YIPF5: variants seen among roughly 807,000 people sequenced by gnomAD.
YIPF5 encodes the protein protein YIPF5.
In YIPF5, 8 loss-of-function variants were observed where a neutral mutation model predicts 30.4. The ratio of observed to expected loss-of-function variants is 0.26; its 90% CI spans 0.15 to 0.47. The LOEUF (loss-of-function observed/expected upper bound fraction) is 0.47, where lower values mean the gene tolerates loss of function less well. Among genes scored for constraint, YIPF5 ranks in the 20% least tolerant of loss-of-function variants. YIPF5 has a pLI of 0.99. For missense variants in YIPF5, 282 were observed against 301.8 expected, an observed-to-expected ratio of 0.93 and a Z score of 0.49; for synonymous variants, 104 against 107.9, an observed-to-expected ratio of 0.96 and a Z score of 0.23.
rs1330370099 is a variant in YIPF5 at position 144,159,109 on chromosome 5, ATAATG to A, written c.*1283_*1287del. On this transcript the variant is annotated 3_prime_UTR_variant, in exon 6 of 6. Coordinates refer to ENST00000274496, the MANE Select transcript of YIPF5 (RefSeq NM_030799.9). ...AATCAAATAAATTTAATACAATAAAATAATGTAACTCAAACTGCTCATTTAATCCC... is the reference window on the plus strand; with the variant it reads ...AATCAAATAAATTTAATACAATAAAATAACTCAAACTGCTCATTTAATCCC... 1 of 981,526 alleles carries A rather than the reference ATAATG, an allele frequency of 1.0e-6. No homozygotes were observed. Among genetic ancestry groups the A allele is most frequent in the Admixed American group, 6.1e-5 (1 of 16,266 alleles). The allele number at this position is 981,526 out of a possible 1,614,324, so 60.8% of individuals were successfully genotyped here. A position where few individuals can be genotyped will look rare whatever the true frequency, so the allele number is the denominator to read the frequency against.
Position 144,158,600 on chromosome 5 carries a change from T to C in YIPF5, c.*1797A>G. On this transcript the variant is annotated 3_prime_UTR_variant, in exon 6 of 6. Transcript: ENST00000274496. Reference sequence around the variant, plus strand: ...ACATTTGCCTTAACAAAAACTATACTGAAAAAGACAAATGAATTGAAAAAG... The same window carrying C: ...ACATTTGCCTTAACAAAAACTATACCGAAAAAGACAAATGAATTGAAAAAG... The C allele has an allele frequency of 9.3e-7, 1 of 1,080,562 alleles. No individual in the cohort carries two copies. The highest frequency in any genetic ancestry group is 1.1e-6 in the Non-Finnish European group (1 of 888,374). 66.9% of individuals were successfully genotyped at this position (1,080,562 alleles called of 1,614,324 possible). A position where few individuals can be genotyped will look rare whatever the true frequency, so the allele number is the denominator to read the frequency against.
intron 5 of YIPF5, among the ~76,000 whole-genome samples, chr5:144,161,811 T>G (rs1372024346): frequency 6.6e-6 from 1 of 152,218 alleles, no homozygotes; most frequent in Admixed American, 6.5e-5. Flanking sequence ...ATAGAGAGTA[T>G]GTATTTATTA....
chr5:144,162,417 T>G lies in YIPF5; in HGVS notation c.430-18A>C. On this transcript the variant is annotated intron_variant, in intron 4 of 5. Transcript: ENST00000274496. The stretch of plus-strand genomic sequence containing the variant: ...TTGCCAGCCTATGGGTAAAGAAGAT[T>G]ACAGGTTAAAGGGCAAAAAATAAGT... 6.2e-7 allele frequency: 1 copy of G among 1,602,490 alleles called. No homozygotes were observed. The highest frequency in any genetic ancestry group is 8.5e-7 in the Non-Finnish European group (1 of 1,173,942).
At position 144,160,555 on chromosome 5, in the gene YIPF5, T is replaced by G. The variant is rs1195064371; in HGVS notation, c.616A>C (p.Met206Leu). The stretch of plus-strand genomic sequence containing the variant: ...CCAGCAGTGAGAATGATTCCTACCA[T>G]TCCTCTGTAAACAACAAGGAAAAAG... ...SFAVIFSLQGMVGIILTAGII... is the reference protein window; with the variant it reads ...SFAVIFSLQGLVGIILTAGII... Residue 206 changes from methionine to leucine, a missense_variant, in exon 6 of 6, where the codon ATG becomes CTG. Met to Leu is a conservative substitution (Grantham distance 15, BLOSUM62 2). Transcript: ENST00000274496. 6.2e-7 allele frequency: 1 copy of G among 1,611,746 alleles called. No individual in the cohort carries two copies. Among genetic ancestry groups the G allele is most frequent in the East Asian group, 2.2e-5 (1 of 44,824 alleles).
At position 144,169,334 on chromosome 5, in the gene YIPF5, GAGA is replaced by G. The variant is rs768905521; in HGVS notation, c.110+509_110+511del. ...CGTGTGGCACTGACCATAAGGGTTT[GAGA>G]AGGAGGAGTAATAAAAATGATTATC... On this transcript the variant is annotated intron_variant, in intron 2 of 5. Coordinates refer to ENST00000274496, the MANE Select transcript of YIPF5 (RefSeq NM_030799.9). Among the ~76,000 whole-genome samples, 5 of 152,210 alleles carry G rather than the reference GAGA, an allele frequency of 3.3e-5. No homozygotes were observed. In the East Asian group the frequency reaches 5.8e-4, roughly 18 times the overall value.
intron 1 of YIPF5, 138 bp from the exon 2 acceptor site, chr5:144,170,103 C>A (rs1263345266): frequency 7.5e-6 from 5 of 665,676 alleles, no homozygotes; most frequent in Non-Finnish European, 1.3e-5. Context: ...GCGGAAAGTA[C>A]GCAGCATTTG....
Position 144,160,438 on chromosome 5 carries a change from C to T in YIPF5, c.733G>A (p.Ala245Thr), listed in dbSNP as rs902298729. The T allele has an allele frequency of 1.1e-5, 17 of 1,613,938 alleles. No individual in the cohort carries two copies. Among genetic ancestry groups the T allele is most frequent in the East Asian group, 2.2e-5 (1 of 44,870 alleles). The change falls in exon 6 of 6, where the codon GCT becomes ACT. Residue 245 changes from alanine (A) to threonine (T), a missense_variant. Ala to Thr is a moderately conservative substitution (Grantham distance 58). Transcript: ENST00000274496. ...AGGGCAAAGACTCCATATAACAAAGCGCAAGGATATGCTACTAAAAGTTGC... is the reference window on the plus strand; with the variant it reads ...AGGGCAAAGACTCCATATAACAAAGTGCAAGGATATGCTACTAAAAGTTGC... ...GQQLLVAYPC[A>T]LLYGVFALIS...
chr5:144,162,173 C>A (rs756310342), intron 5 of YIPF5, 45 bp downstream of exon 5: 1 of 1,579,218 alleles, frequency 6.3e-7, no homozygotes, highest in Non-Finnish European at 8.6e-7. Flanking sequence ...AATCCTACTA[C>A]ATAGAATTGG....
chr5:144,162,192 C>T (rs780715694), intron 5 of YIPF5, 26 bp downstream of exon 5: 1 of 1,603,796 alleles, frequency 6.2e-7, no homozygotes, highest in Non-Finnish European at 8.5e-7. Context: ...GGTCAATCAA[C>T]CCCCAAAATA....
At position 144,162,355 on chromosome 5, in the gene YIPF5, A is replaced by T; in HGVS notation, c.474T>A (p.Ile158=). ...ATAAACAAAACATTCCTAGACATCC[A>T]ATTGCACTGATCCCGTATACATAGC... ...QFGYVYGISA[I]GCLGMFCLLN... The change falls in exon 5 of 6, where the codon ATT becomes ATA. Residue 158 remains isoleucine (I), a synonymous_variant. Coordinates refer to ENST00000274496, the MANE Select transcript of YIPF5 (RefSeq NM_030799.9). The T allele has an allele frequency of 6.2e-7, 1 of 1,614,042 alleles. No individual in the cohort carries two copies. Among genetic ancestry groups the T allele is most frequent in the Non-Finnish European group, 8.5e-7 (1 of 1,179,942 alleles).
Position 144,170,111 on chromosome 5 carries a change from T to G in YIPF5, c.-10-146A>C. The stretch of plus-strand genomic sequence containing the variant: ...GATGGGGGCGGAAAGTACGCAGCAT[T>G]TGAACGACGGTAGCGGAGAGAGAGT... On this transcript the variant is annotated intron_variant, in intron 1 of 5. Coordinates refer to ENST00000274496, the MANE Select transcript of YIPF5 (RefSeq NM_030799.9). The G allele has an allele frequency of 4.6e-6, 3 of 651,238 alleles. No individual in the cohort carries two copies. The South Asian group carries it at 5.5e-5, about 12-fold the overall frequency. 40.3% of individuals were successfully genotyped at this position (651,238 alleles called of 1,614,324 possible).
At position 144,164,271 on chromosome 5, in the gene YIPF5, A is replaced by T. The variant is rs1488582155; in HGVS notation, c.284-15T>A. On this transcript the variant is annotated splice_polypyrimidine_tract_variant and intron_variant, in intron 3 of 5. Transcript: ENST00000274496. ...GATACCTAACTCTAAAGAGAAAGAA[A>T]ATTTAAAAGTTAATTAGGATTTGTG... 3.8e-6 allele frequency: 6 copies of T among 1,592,514 alleles called. No homozygotes were observed. Among genetic ancestry groups the T allele is most frequent in the Non-Finnish European group, 5.1e-6 (6 of 1,169,196 alleles).
At chr5:144,167,549 T>C (rs995351437) in intron 2 of YIPF5, among the ~76,000 whole-genome samples, 3 of 152,210 alleles carry the variant, frequency 2.0e-5, no homozygotes, top group African/African-American at 7.2e-5. Flanking sequence ...CTTGGTATTA[T>C]GATATATTTC....
At chr5:144,160,681 C>A in intron 5 of YIPF5, 122 bp from the exon 6 acceptor site, 2 of 807,884 alleles carry the variant, frequency 2.5e-6, no homozygotes, top group South Asian at 3.7e-5. Flanking sequence ...TGCAAGTAGA[C>A]ATATGCAAAA....
intron 2 of YIPF5, among the ~76,000 whole-genome samples, chr5:144,167,311 A>C (rs942146634): frequency 6.6e-6 from 1 of 152,156 alleles, no homozygotes; most frequent in African/African-American, 2.4e-5. Flanking sequence ...TTTTAAACTA[A>C]AACATGGTAT....
rs1752129950 is a variant in YIPF5 at position 144,164,120 on chromosome 5, T to C, written c.420A>G (p.Thr140=). 2 of 1,612,464 alleles carry C rather than the reference T, an allele frequency of 1.2e-6. No homozygotes were observed. Among genetic ancestry groups the C allele is most frequent in the Non-Finnish European group, 1.7e-6 (2 of 1,179,612 alleles). The change falls in exon 4 of 6, where the codon ACA becomes ACG. Residue 140 remains threonine, a synonymous_variant. Coordinates refer to ENST00000274496, the MANE Select transcript of YIPF5 (RefSeq NM_030799.9). The part of the protein sequence containing the change: ...PMVFCLAFGA[T]LLLAGKIQFG... ...GAAATGAAAATCTTACCAGTAGCAA[T>C]GTGGCTCCAAAAGCAAGGCAAAAAA...
Position 144,162,269 on chromosome 5 carries a change from C to T in YIPF5, c.560G>A (p.Cys187Tyr). ...GGAAAGTAGGATCATGGGCAGAAGA[C>T]AATATCCAAGGACACTTGCCACACA... ...FGCVASVLGY[C>Y]LLPMILLSSF... The change falls in exon 5 of 6, where the codon TGT becomes TAT. Residue 187 changes from cysteine to tyrosine, a missense_variant. Physicochemically the swap from Cys to Tyr is radical, Grantham distance 194. Coordinates refer to ENST00000274496, the MANE Select transcript of YIPF5 (RefSeq NM_030799.9). 1 of 1,614,034 alleles carries T rather than the reference C, an allele frequency of 6.2e-7. No homozygotes were observed. Among genetic ancestry groups the T allele is most frequent in the Non-Finnish European group, 8.5e-7 (1 of 1,179,956 alleles).
intron 2 of YIPF5, among the ~76,000 whole-genome samples, 184 bp downstream of exon 2, chr5:144,169,662 T>C (rs908127173): frequency 4.6e-5 from 7 of 152,194 alleles, no homozygotes; most frequent in African/African-American, 1.7e-4. Flanking sequence ...AACTCTTAAA[T>C]AGAACAATAC....
intron 2 of YIPF5, among the ~76,000 whole-genome samples, chr5:144,169,044 T>C (rs934710292): frequency 6.6e-6 from 1 of 152,180 alleles, no homozygotes; most frequent in African/African-American, 2.4e-5. Context: ...CCAGTTGTAA[T>C]AGGATTCTCA....
Sources: allele counts gnomAD v4.1 joint callset (sites outside exome capture counted in the v4.1 genomes callset), GRCh38; gene constraint gnomAD v4.1.1; transcripts MANE v1.5; gene names NCBI Gene and HGNC (gene_info 2026-07-23, HGNC 2026-07-21).